PBX3: variants seen among roughly 807,000 people sequenced by gnomAD.
The protein encoded by PBX3 is PBX homeobox 3.
Under a neutral mutation model 48.5 loss-of-function variants are expected in PBX3, and 14 were observed. The ratio of observed to expected loss-of-function variants is 0.29; its 90% CI spans 0.19 to 0.45. The LOEUF (loss-of-function observed/expected upper bound fraction) is 0.45, where lower values mean the gene tolerates loss of function less well. Among genes scored for constraint, PBX3 ranks in the 20% least tolerant of loss-of-function variants. The pLI is 1.00. For missense variants in PBX3, 386 were observed against 546.7 expected (o/e 0.71, Z 2.93); for synonymous variants, 210 against 200.3 (o/e 1.05, Z -0.41).
intron 3 of PBX3, among the ~76,000 whole-genome samples, chr9:125,920,899 A>G (rs1226531743): frequency 6.6e-6 from 1 of 152,208 alleles, no homozygotes; most frequent in Non-Finnish European, 1.5e-5. Flanking sequence ...CTGTAAAAGC[A>G]TATCCTTGTG....
At chr9:125,958,884 CCTCT>C (rs1315502378) in intron 5 of PBX3, among the ~76,000 whole-genome samples, 1 of 151,216 alleles carries the variant, frequency 6.6e-6, no homozygotes, top group South Asian at 2.1e-4. Context: ...TCACTGTCTT[CCTCT>C]CTCTCTCTCT....
rs147980217 is a variant in PBX3 at position 125,938,867 on chromosome 9, G to C, written c.843+3260G>C. Among the ~76,000 whole-genome samples, 267 of 152,224 alleles carry C rather than the reference G, an allele frequency of 1.8e-3. 2 individuals carry two copies. The highest frequency in any genetic ancestry group is 0.01 in the Middle Eastern group (3 of 294). ...TGATAATTGTACTATGGTTATGTGAGAGAATCTCTTTAGACTTAGGAAATA... is the reference window on the plus strand; with the variant it reads ...TGATAATTGTACTATGGTTATGTGACAGAATCTCTTTAGACTTAGGAAATA... On this transcript the variant is annotated intron_variant, in intron 5 of 8. Transcript: ENST00000373489.
Position 125,967,201 on chromosome 9 carries a change from T to C in PBX3, c.*1278T>C, listed in dbSNP as rs1294221602. On this transcript the variant is annotated 3_prime_UTR_variant, in exon 9 of 9. Transcript: ENST00000373489. ...CCCTCTCCTTTCTCTCTTTTTGTAT[T>C]GTATGCGATTCTGAAACTGATTGAG... The C allele has an allele frequency of 4.6e-5, 7 of 152,628 alleles. No homozygotes were observed. Among genetic ancestry groups the C allele is most frequent in the African/African-American group, 7.2e-5 (3 of 41,424 alleles). The allele number at this position is 152,628 out of a possible 1,614,324, so 9.5% of individuals were successfully genotyped here.
intron 5 of PBX3, among the ~76,000 whole-genome samples, chr9:125,942,972 A>G (rs1841988659): frequency 6.6e-6 from 1 of 152,190 alleles, no homozygotes; most frequent in Non-Finnish European, 1.5e-5. Context: ...TGGTGCTTAA[A>G]GCTTGCTCCA....
chr9:125,812,613 G>T (rs1052017710), intron 2 of PBX3, among the ~76,000 whole-genome samples: 2 of 152,194 alleles, frequency 1.3e-5, no homozygotes, highest in Non-Finnish European at 2.9e-5. Context: ...ACGCTTTTGC[G>T]TGGGTTACGA....
intron 2 of PBX3, among the ~76,000 whole-genome samples, chr9:125,885,192 G>A (rs993808495): frequency 6.6e-6 from 1 of 152,086 alleles, no homozygotes; most frequent in Admixed American, 6.6e-5. Flanking sequence ...TACATACATA[G>A]TATTGTTTTT....
intron 2 of PBX3, among the ~76,000 whole-genome samples, chr9:125,860,360 C>T (rs1839831537): frequency 6.6e-6 from 1 of 152,050 alleles, no homozygotes. Flanking sequence ...TAGCATGTGC[C>T]CAGAGGGAGA....
chr9:125,929,497 CTAT>C (rs1841666555), intron 3 of PBX3, among the ~76,000 whole-genome samples, 155 bp from the exon 4 acceptor site: 1 of 152,166 alleles, frequency 6.6e-6, no homozygotes, highest in South Asian at 2.1e-4. Flanking sequence ...GCCTTAACTA[CTAT>C]TACTACCATT....
At chr9:125,853,985 T>TACACAC (rs34586706) in intron 2 of PBX3, among the ~76,000 whole-genome samples, 40 of 150,660 alleles carry the variant, frequency 2.7e-4, no homozygotes, top group African/African-American at 9.2e-4. Context: ...GGCTGCTGTA[T>TACACAC]ACACACACAC....
chr9:125,875,213 G>A (rs1158256117), intron 2 of PBX3, among the ~76,000 whole-genome samples: 3 of 151,960 alleles, frequency 2.0e-5, no homozygotes, highest in African/African-American at 7.2e-5. Context: ...TTACCAATTC[G>A]CATTATTCTG....
intron 7 of PBX3, among the ~76,000 whole-genome samples, chr9:125,962,458 G>A (rs151050833): frequency 6.6e-6 from 1 of 152,292 alleles, no homozygotes; most frequent in African/African-American, 2.4e-5. Context: ...ATGGAGAGGG[G>A]TTGGGTGCAT....
intron 2 of PBX3, among the ~76,000 whole-genome samples, chr9:125,828,778 A>G (rs1434962658): frequency 6.6e-6 from 1 of 152,200 alleles, no homozygotes; most frequent in African/African-American, 2.4e-5. Context: ...ATCAAAAGGA[A>G]CGTTGAGTCT....
At position 125,899,317 on chromosome 9, in the gene PBX3, A is replaced by T. The variant is rs1840867233; in HGVS notation, c.275-16369A>T. Among the ~76,000 whole-genome samples, 2 of 109,090 alleles carry T rather than the reference A, an allele frequency of 1.8e-5. 1 individual carries two copies. Among genetic ancestry groups the T allele is most frequent in the South Asian group, 4.9e-4 (2 of 4,092 alleles). The allele number at this position is 109,090 out of a possible 152,430, so 71.6% of individuals were successfully genotyped here. On this transcript the variant is annotated intron_variant, in intron 2 of 8. Coordinates refer to ENST00000373489, the MANE Select transcript of PBX3 (RefSeq NM_006195.6). ...TATATAAATATACATATATGTATAT[A>T]TTTTTATATAAATATATACATATAT...
chr9:125,831,448 A>T, intron 2 of PBX3, among the ~76,000 whole-genome samples: 1 of 149,362 alleles, frequency 6.7e-6, no homozygotes, highest in African/African-American at 2.5e-5. Context: ...TTTGAGATGG[A>T]GTCTCGCTCT....
intron 2 of PBX3, among the ~76,000 whole-genome samples, chr9:125,797,235 T>G (rs754888094): frequency 6.6e-6 from 1 of 152,140 alleles, no homozygotes; most frequent in Non-Finnish European, 1.5e-5. Context: ...AGGACATATT[T>G]AGAATGAAAA....
intron 2 of PBX3, among the ~76,000 whole-genome samples, chr9:125,905,052 CA>C (rs1437721793): frequency 1.3e-5 from 2 of 151,870 alleles, no homozygotes; most frequent in Non-Finnish European, 2.9e-5. Flanking sequence ...AATCTATAAT[CA>C]TATTTATCTT....
chr9:125,781,376 C>T (rs1837304712), intron 2 of PBX3, among the ~76,000 whole-genome samples: 1 of 151,774 alleles, frequency 6.6e-6, no homozygotes, highest in South Asian at 2.1e-4. Context: ...GAAAACCAGT[C>T]AGGCGTGGTG....
chr9:125,928,082 CT>C (rs1415687533), intron 3 of PBX3, among the ~76,000 whole-genome samples: 1 of 151,944 alleles, frequency 6.6e-6, no homozygotes, highest in Non-Finnish European at 1.5e-5. Context: ...ACTCGGGAGG[CT>C]GAGGCAGGAG....
At chr9:125,779,929 G>A (rs1398909575) in intron 2 of PBX3, among the ~76,000 whole-genome samples, 3 of 130,662 alleles carry the variant, frequency 2.3e-5, no homozygotes, top group Non-Finnish European at 3.3e-5. Flanking sequence ...CGTCTGGCCG[G>A]GCGGGGGGCT....
Sources: allele counts gnomAD v4.1 joint callset (sites outside exome capture counted in the v4.1 genomes callset), GRCh38; gene constraint gnomAD v4.1.1; transcripts MANE v1.5; gene names NCBI Gene and HGNC (gene_info 2026-07-23, HGNC 2026-07-21).